PPARG: variants seen among roughly 807,000 people sequenced by gnomAD.
PPARG encodes the protein peroxisome proliferator activated receptor gamma.
In PPARG, 17 loss-of-function variants were observed where a neutral mutation model predicts 39.2. The ratio of observed to expected loss-of-function variants is 0.43; its 90% CI spans 0.30 to 0.65. The LOEUF (loss-of-function observed/expected upper bound fraction) is 0.65, where lower values mean the gene tolerates loss of function less well. Ranked by LOEUF, PPARG falls within the 30% of genes least tolerant of loss-of-function variation. The pLI, the probability that PPARG is intolerant of heterozygous loss-of-function variation, is 0.13. For missense variants in PPARG, 406 were observed against 585.9 expected, an observed-to-expected ratio of 0.69 and a Z score of 3.17; for synonymous variants, 223 against 215.7, an observed-to-expected ratio of 1.03 and a Z score of -0.30.
intron 6 of PPARG, among the ~76,000 whole-genome samples, chr3:12,413,030 A>G (rs2050932830): frequency 6.6e-6 from 1 of 152,080 alleles, no homozygotes; most frequent in Non-Finnish European, 1.5e-5. Flanking sequence ...AAGTGTAAGG[A>G]CTCCACTTTG....
At chr3:12,288,395 C>T (rs531663191), upstream of PPARG, among the ~76,000 whole-genome samples, 2 of 151,948 alleles carry the variant, frequency 1.3e-5, no homozygotes, top group Admixed American at 6.5e-5. Flanking sequence ...GGACGCGAGC[C>T]GGTGCGTCCC....
chr3:12,352,762 C>T (rs1432239524), intron 2 of PPARG, among the ~76,000 whole-genome samples: 2 of 152,120 alleles, frequency 1.3e-5, no homozygotes, highest in African/African-American at 2.4e-5. Context: ...GAAAATGTTT[C>T]CTGAAGTACT....
chr3:12,406,177 A>G, intron 6 of PPARG, 96 bp downstream of exon 6: 1 of 1,208,270 alleles, frequency 8.3e-7, no homozygotes, highest in Non-Finnish European at 1.2e-6. Flanking sequence ...ACAAATGCAC[A>G]CACAGAATAT....
At chr3:12,383,912 G>C (rs1464596396) in intron 4 of PPARG, among the ~76,000 whole-genome samples, 1 of 151,970 alleles carries the variant, frequency 6.6e-6, no homozygotes, top group Non-Finnish European at 1.5e-5. Context: ...TAGAAAGCAG[G>C]GAGGGAGAAA....
chr3:12,316,284 T>C (rs2047385244), intron 2 of PPARG, among the ~76,000 whole-genome samples: 2 of 152,310 alleles, frequency 1.3e-5, no homozygotes, highest in East Asian at 3.9e-4. Flanking sequence ...CCCTGAATTT[T>C]TTTGCCGGTA....
intron 2 of PPARG, among the ~76,000 whole-genome samples, chr3:12,362,531 A>G (rs1477235453): frequency 3.1e-5 from 1 of 32,696 alleles, no homozygotes; most frequent in African/African-American, 2.1e-4. Context: ...AAATAAATAA[A>G]TAAATAAATA....
chr3:12,386,259 C>T (rs1169030352), intron 4 of PPARG, among the ~76,000 whole-genome samples: 1 of 151,128 alleles, frequency 6.6e-6, no homozygotes, highest in African/African-American at 2.4e-5. Context: ...TTACATCTTC[C>T]TCTCTAGATT....
At chr3:12,371,899 G>A (rs1402521508) in intron 2 of PPARG, 7 of 708,040 alleles carry the variant, frequency 9.9e-6, no homozygotes, top group African/African-American at 3.5e-5. Flanking sequence ...TGATGGGAGA[G>A]GAATTAGTAA....
intron 2 of PPARG, among the ~76,000 whole-genome samples, chr3:12,325,044 T>C (rs538177823): frequency 3.5e-4 from 54 of 152,246 alleles, no homozygotes; most frequent in African/African-American, 1.3e-3. Flanking sequence ...TCCAGCACTT[T>C]GGGAGGCTGA....
At chr3:12,366,387 A>G (rs1478994219) in intron 2 of PPARG, among the ~76,000 whole-genome samples, 1 of 151,952 alleles carries the variant, frequency 6.6e-6, no homozygotes, top group Non-Finnish European at 1.5e-5. Context: ...GTCATTTGCA[A>G]ACAAAGACAG....
intron 6 of PPARG, chr3:12,406,532 CTTTTTTTTT>C (rs10540594): frequency 8.3e-5 from 5 of 60,462 alleles, no homozygotes; most frequent in Non-Finnish European, 1.6e-4. Flanking sequence ...AGAGTTACCT[CTTTTTTTTT>C]TTTTTTTTTT....
chr3:12,344,883 A>G (rs1275581898), intron 2 of PPARG: 1 of 152,238 alleles, frequency 6.6e-6, no homozygotes, highest in Non-Finnish European at 1.5e-5. Context: ...CAAGGCTTGA[A>G]TGCAAACCCA....
intron 5 of PPARG, among the ~76,000 whole-genome samples, chr3:12,397,074 A>G (rs1409155103): frequency 6.6e-6 from 1 of 152,020 alleles, no homozygotes; most frequent in African/African-American, 2.4e-5. Flanking sequence ...TAACATTGAG[A>G]TTTGGTTAAA....
chr3:12,393,818 C>T (rs145307324), intron 5 of PPARG, among the ~76,000 whole-genome samples: 2 of 152,194 alleles, frequency 1.3e-5, no homozygotes, highest in East Asian at 3.9e-4. Flanking sequence ...ACAGTGGAAA[C>T]CATCAAGATA....
chr3:12,288,213 G>A (rs1439419945), upstream of PPARG, among the ~76,000 whole-genome samples: 3 of 151,800 alleles, frequency 2.0e-5, no homozygotes, highest in African/African-American at 7.3e-5. Flanking sequence ...GCTGAGGCAG[G>A]GTCATGGTCC....
At chr3:12,319,413 A>T (rs2125015862) in intron 2 of PPARG, among the ~76,000 whole-genome samples, 1 of 152,254 alleles carries the variant, frequency 6.6e-6, no homozygotes, top group South Asian at 2.1e-4. Flanking sequence ...CTATTATTGA[A>T]CTTCTTCCAG....
chr3:12,301,035 G>A (rs2046912300), intron 1 of PPARG, among the ~76,000 whole-genome samples: 1 of 152,112 alleles, frequency 6.6e-6, no homozygotes, highest in Non-Finnish European at 1.5e-5. Context: ...CCTATTTTAT[G>A]TATTGTTTTT....
chr3:12,376,639 G>T (rs2049422165), intron 2 of PPARG, among the ~76,000 whole-genome samples: 1 of 152,112 alleles, frequency 6.6e-6, no homozygotes, highest in Non-Finnish European at 1.5e-5. Context: ...TATCTATAAA[G>T]TGGGAATAAT....
At chr3:12,298,703 C>G (rs905953365) in intron 1 of PPARG, among the ~76,000 whole-genome samples, 3 of 152,100 alleles carry the variant, frequency 2.0e-5, no homozygotes, top group Non-Finnish European at 4.4e-5. Flanking sequence ...AATGATAAGC[C>G]AAGACAAACT....
Sources: allele counts gnomAD v4.1 joint callset (sites outside exome capture counted in the v4.1 genomes callset), GRCh38; gene constraint gnomAD v4.1.1; transcripts MANE v1.5; gene names NCBI Gene and HGNC (gene_info 2026-07-23, HGNC 2026-07-21).